The following LRRTM4 variants were observed in gnomAD, a reference collection of about 807,000 sequenced individuals.
The protein encoded by LRRTM4 is leucine-rich repeat transmembrane neuronal protein 4.
Under a neutral mutation model 47.6 loss-of-function variants are expected in LRRTM4, and 25 were observed. That is an observed-to-expected ratio of 0.53 (90% CI 0.38 to 0.73). The LOEUF (loss-of-function observed/expected upper bound fraction) is 0.73, where lower values mean the gene tolerates loss of function less well. LRRTM4 is among the 30% of genes least tolerant of loss of function. The probability of loss-of-function intolerance (pLI) is 0.00; values close to 1 mark genes in which losing one functional copy is unlikely to be tolerated. For missense variants in LRRTM4, 638 were observed against 713.4 expected, an observed-to-expected ratio of 0.89 and a Z score of 1.20; for synonymous variants, 311 against 269.5, an observed-to-expected ratio of 1.15 and a Z score of -1.51.
intron 3 of LRRTM4, among the ~76,000 whole-genome samples, chr2:77,205,979 A>T (rs1674113996): frequency 1.3e-5 from 2 of 151,528 alleles, no homozygotes; most frequent in Admixed American, 6.6e-5. Context: ...GAGACTACAG[A>T]CATGCACCAC....
intron 3 of LRRTM4, among the ~76,000 whole-genome samples, chr2:76,887,472 C>T (rs1275418151): frequency 1.3e-5 from 2 of 150,704 alleles, no homozygotes; most frequent in African/African-American, 2.4e-5. Context: ...AAACTTGTAA[C>T]ATTTAGTGCC....
At chr2:76,987,732 G>T (rs922892301) in intron 3 of LRRTM4, among the ~76,000 whole-genome samples, 2 of 151,722 alleles carry the variant, frequency 1.3e-5, no homozygotes, top group East Asian at 3.9e-4. Flanking sequence ...CAACCAGTAC[G>T]ACAGAGTCTC....
At chr2:77,229,508 C>A (rs1232802244) in intron 3 of LRRTM4, among the ~76,000 whole-genome samples, 1 of 152,078 alleles carries the variant, frequency 6.6e-6, no homozygotes, top group East Asian at 1.9e-4. Context: ...TTTCCAATAT[C>A]ATTAAATGGC....
intron 3 of LRRTM4, among the ~76,000 whole-genome samples, chr2:77,123,354 C>T (rs1671569474): frequency 6.6e-6 from 1 of 151,964 alleles, no homozygotes; most frequent in Admixed American, 6.6e-5. Context: ...AATAATATTT[C>T]TTCCTCTTTT....
chr2:76,805,136 C>G (rs570647022), intron 3 of LRRTM4, among the ~76,000 whole-genome samples: 15 of 152,082 alleles, frequency 9.9e-5, no homozygotes, highest in Middle Eastern at 3.4e-3. Context: ...GAATCAAGGC[C>G]CTTAACCTCT....
rs145626426 is a variant in LRRTM4 at position 77,284,092 on chromosome 2, G to A, written c.1551+234226C>T. ...AATAACACTTTTAGATCCCTTAGAC[G>A]TATTTTGAAATTGTGTTGTGTTCCT... On this transcript the variant is annotated intron_variant, in intron 3 of 3. Transcript: ENST00000409884. Among the ~76,000 whole-genome samples the A allele has an allele frequency of 3.9e-5, 6 of 152,098 alleles. No individual in the cohort carries two copies. In the East Asian group the frequency reaches 7.7e-4, roughly 20 times the overall value.
intron 3 of LRRTM4, among the ~76,000 whole-genome samples, chr2:76,849,062 A>G (rs1326123170): frequency 1.3e-5 from 2 of 151,686 alleles, no homozygotes; most frequent in African/African-American, 4.8e-5. Context: ...TCCTTCAGGT[A>G]CTCTTCTTAT....
chr2:77,254,824 T>C (rs1054944297), intron 3 of LRRTM4, among the ~76,000 whole-genome samples: 7 of 150,484 alleles, frequency 4.7e-5, no homozygotes, highest in Non-Finnish European at 8.9e-5. Context: ...AAAACAGAAT[T>C]TTAAACAATG....
chr2:77,390,857 A>C (rs1673476647), intron 3 of LRRTM4, among the ~76,000 whole-genome samples: 1 of 151,818 alleles, frequency 6.6e-6, no homozygotes, highest in African/African-American at 2.4e-5. Context: ...ACTATACTTT[A>C]ATTTTTAATC....
chr2:77,194,235 G>T (rs1673754368), intron 3 of LRRTM4, among the ~76,000 whole-genome samples: 1 of 152,082 alleles, frequency 6.6e-6, no homozygotes, highest in Non-Finnish European at 1.5e-5. Context: ...GGTCTTTGAT[G>T]ATGTCATCAA....
At chr2:76,850,123 T>G (rs972854575) in intron 3 of LRRTM4, among the ~76,000 whole-genome samples, 1 of 152,166 alleles carries the variant, frequency 6.6e-6, no homozygotes, top group Non-Finnish European at 1.5e-5. Flanking sequence ...CCATTTTGTG[T>G]CTCAGAATTT....
At chr2:77,143,704 A>G (rs181893411) in intron 3 of LRRTM4, among the ~76,000 whole-genome samples, 1 of 152,346 alleles carries the variant, frequency 6.6e-6, no homozygotes, top group African/African-American at 2.4e-5. Flanking sequence ...AGATTGAGAG[A>G]AACACCAATC....
At chr2:77,454,738 A>G (rs974179761) in intron 3 of LRRTM4, among the ~76,000 whole-genome samples, 8 of 152,294 alleles carry the variant, frequency 5.3e-5, no homozygotes, top group Middle Eastern at 3.4e-3. Context: ...TAGATGAGCT[A>G]GTTCATTTAT....
intron 3 of LRRTM4, among the ~76,000 whole-genome samples, chr2:77,453,204 T>TA (rs1676333915): frequency 7.3e-6 from 1 of 136,670 alleles, no homozygotes; most frequent in Non-Finnish European, 1.5e-5. Flanking sequence ...TTTTTTGAGA[T>TA]AGAGTCTCGC....
intron 3 of LRRTM4, among the ~76,000 whole-genome samples, chr2:76,869,195 G>T (rs1672553326): frequency 6.6e-6 from 1 of 151,980 alleles, no homozygotes; most frequent in Admixed American, 6.6e-5. Context: ...TTTAGTCCCA[G>T]CTACTTGGGA....
At chr2:77,375,270 T>TA (rs1266241596) in intron 3 of LRRTM4, among the ~76,000 whole-genome samples, 2 of 151,832 alleles carry the variant, frequency 1.3e-5, no homozygotes, top group Admixed American at 6.6e-5. Flanking sequence ...ATCAGGTTTT[T>TA]ATAAGTATTT....
At chr2:77,138,699 A>G (rs923499157) in intron 3 of LRRTM4, among the ~76,000 whole-genome samples, 1 of 152,162 alleles carries the variant, frequency 6.6e-6, no homozygotes, top group Non-Finnish European at 1.5e-5. Context: ...TTTTTTGAAA[A>G]GATCAACAAA....
intron 3 of LRRTM4, among the ~76,000 whole-genome samples, chr2:77,126,708 T>C (rs970857199): frequency 1.3e-5 from 2 of 152,114 alleles, no homozygotes; most frequent in Admixed American, 6.6e-5. Context: ...GGTTTGATGG[T>C]ATTAATGGAG....
At chr2:77,291,888 T>C (rs1186292597) in intron 3 of LRRTM4, among the ~76,000 whole-genome samples, 5 of 151,880 alleles carry the variant, frequency 3.3e-5, no homozygotes, top group Non-Finnish European at 7.4e-5. Flanking sequence ...CAAAAGAAAC[T>C]ACCATCAGAG....
Sources: allele counts gnomAD v4.1 joint callset (sites outside exome capture counted in the v4.1 genomes callset), GRCh38; gene constraint gnomAD v4.1.1; transcripts MANE v1.5; gene names NCBI Gene and HGNC (gene_info 2026-07-23, HGNC 2026-07-21).